Variants in TYRO3 observed in about 807,000 individuals in gnomAD.
The protein encoded by TYRO3 is tyrosine-protein kinase receptor TYRO3.
Under a neutral mutation model 95.2 loss-of-function variants are expected in TYRO3, and 38 were observed. The ratio of observed to expected loss-of-function variants is 0.40; its 90% CI spans 0.31 to 0.52. TYRO3 has a LOEUF of 0.52. TYRO3 is among the 20% of genes least tolerant of loss of function. TYRO3 has a pLI of 0.56. For synonymous variants in TYRO3, 367 were observed against 432.9 expected (o/e 0.85, Z 1.89); for missense variants, 812 against 1,116.4 (o/e 0.73, Z 3.89).
chr15:41,573,833 G>A lies in TYRO3; in HGVS notation c.2282+18G>A. 1.0e-6 allele frequency: 1 copy of A among 983,492 alleles called. No homozygotes were observed. Among genetic ancestry groups the A allele is most frequent in the Middle Eastern group, 2.9e-4 (1 of 3,480 alleles). 60.9% of individuals were successfully genotyped at this position (983,492 alleles called of 1,614,324 possible). ...GAGGACGTGTGAGTATCCTGGGAAG[G>A]GGGCTCTGGAAGGAAAGGGGAATCT... On this transcript the variant is annotated intron_variant, in intron 18 of 18. Transcript: ENST00000263798.
At chr15:41,572,820 C>T (rs187340540) in intron 15 of TYRO3, among the ~76,000 whole-genome samples, 182 bp from the exon 16 acceptor site, 36 of 152,308 alleles carry the variant, frequency 2.4e-4, no homozygotes, top group African/African-American at 7.7e-4. Context: ...GGGGGAGTCT[C>T]GTCTTCCAGG....
In TYRO3 at chr15:41,578,830, C is replaced by T. The variant is rs1170946927; in HGVS notation, c.*554C>T. The T allele has an allele frequency of 1.3e-5, 2 of 158,002 alleles. No homozygotes were observed. The highest frequency in any genetic ancestry group is 2.8e-5 in the Non-Finnish European group (2 of 72,158). 9.8% of individuals were successfully genotyped at this position (158,002 alleles called of 1,614,324 possible). ...CTGAATCTTCACCATCTTTCTGATT[C>T]CGCACCCTGCCTACGCCAGGAGAAG... On this transcript the variant is annotated 3_prime_UTR_variant, in exon 19 of 19. Transcript: ENST00000263798.
intron 3 of TYRO3, chr15:41,562,245 G>A (rs928914420): frequency 5.6e-5 from 14 of 249,086 alleles, no homozygotes; most frequent in African/African-American, 2.3e-5. Flanking sequence ...CAGCTACTCC[G>A]GAGGCTAAGG....
rs904122581 is a variant in TYRO3 at position 41,582,465 on chromosome 15, G to A, written c.*4189G>A. 1.3e-5 allele frequency: 2 copies of A among 152,072 alleles called. No individual in the cohort carries two copies. The highest frequency in any genetic ancestry group is 1.5e-5 in the Non-Finnish European group (1 of 68,084). The allele number at this position is 152,072 out of a possible 1,614,324, so 9.4% of individuals were successfully genotyped here. On this transcript the variant is annotated 3_prime_UTR_variant, in exon 19 of 19. Transcript: ENST00000263798. ...GAATCACTTGAACCTGGGAGGGGGA[G>A]GTTGCAGTGAGCCACTACATTCCAG...
chr15:41,571,216 A>G (rs1595503896), intron 13 of TYRO3, 98 bp downstream of exon 13: 2 of 1,205,218 alleles, frequency 1.7e-6, no homozygotes, highest in Admixed American at 1.8e-5. Flanking sequence ...AGATTTTCCA[A>G]GAAGAGCTGG....
intron 4 of TYRO3, 53 bp from the exon 5 acceptor site, chr15:41,564,131 C>G: frequency 1.3e-6 from 2 of 1,521,108 alleles, no homozygotes. Flanking sequence ...TTCCCAGTCC[C>G]GCACTGAGTG....
In TYRO3 at chr15:41,573,875, G is replaced by C. The variant is rs556535526; in HGVS notation, c.2282+60G>C. The stretch of plus-strand genomic sequence containing the variant: ...GGGGAATCTGGAGTTTTGGCTGATG[G>C]CTGCCACCACAGTTGCCTCAACTGG... On this transcript the variant is annotated intron_variant, in intron 18 of 18. Coordinates refer to ENST00000263798, the MANE Select transcript of TYRO3 (RefSeq NM_006293.4). 52 of 1,588,762 alleles carry C rather than the reference G, an allele frequency of 3.3e-5. No homozygotes were observed. In the South Asian group the frequency reaches 5.6e-4, roughly 17 times the overall value.
chr15:41,574,160 T>A (rs2055835050), intron 18 of TYRO3, among the ~76,000 whole-genome samples: 2 of 152,226 alleles, frequency 1.3e-5, no homozygotes, highest in South Asian at 2.1e-4. Flanking sequence ...TTTCTTTTTT[T>A]AATTTGTATT....
Position 41,582,168 on chromosome 15 carries a change from A to T in TYRO3, c.*3892A>T, listed in dbSNP as rs982612186. ...TTGCGTTTGGCTTCTTTCCCTCAGC[A>T]ACATGTTTATAAGGATCATCTAACA... On this transcript the variant is annotated 3_prime_UTR_variant, in exon 19 of 19. Transcript: ENST00000263798. 6.6e-6 allele frequency: 1 copy of T among 152,076 alleles called. No individual in the cohort carries two copies. Among genetic ancestry groups the T allele is most frequent in the Non-Finnish European group, 1.5e-5 (1 of 68,038 alleles). The allele number at this position is 152,076 out of a possible 1,614,324, so 9.4% of individuals were successfully genotyped here.
In TYRO3 at chr15:41,573,790, C is replaced by G. The variant is rs1188322338; in HGVS notation, c.2257C>G (p.Gln753Glu). ...CCTCATTGGCGGGAACCGCCTGAAA[C>G]AGCCTCCGGAGTGTATGGAGGACGT... ...NYLIGGNRLK[Q>E]PPECMEDVYD... is the part of the protein sequence containing the mutation. The change falls in exon 18 of 19, where the codon CAG becomes GAG. Residue 753 changes from glutamine to glutamate, a missense_variant. Gln to Glu is a conservative substitution (Grantham distance 29, BLOSUM62 2). Coordinates refer to ENST00000263798, the MANE Select transcript of TYRO3 (RefSeq NM_006293.4). 1 of 1,614,122 alleles carries G rather than the reference C, an allele frequency of 6.2e-7. No homozygotes were observed. Among genetic ancestry groups the G allele is most frequent in the Admixed American group, 1.7e-5 (1 of 60,012 alleles).
chr15:41,574,223 C>G (rs2681), intron 18 of TYRO3, among the ~76,000 whole-genome samples: 1 of 151,724 alleles, frequency 6.6e-6, no homozygotes, highest in South Asian at 2.1e-4. Flanking sequence ...TCCTGGAGAC[C>G]CCAGCTAGTC....
intron 1 of TYRO3, among the ~76,000 whole-genome samples, chr15:41,560,330 G>A (rs1440354611): frequency 1.3e-5 from 2 of 151,912 alleles, no homozygotes; most frequent in African/African-American, 4.8e-5. Flanking sequence ...TCAGTTATGT[G>A]GATACTTGAC....
At position 41,577,780 on chromosome 15, in the gene TYRO3, C is replaced by T. The variant is rs940625681; in HGVS notation, c.2283-106C>T. 12 of 1,211,508 alleles carry T rather than the reference C, an allele frequency of 9.9e-6. No homozygotes were observed. In the African/African-American group the frequency reaches 1.5e-4, roughly 15 times the overall value. 75.0% of individuals were successfully genotyped at this position (1,211,508 alleles called of 1,614,324 possible). A position where few individuals can be genotyped will look rare whatever the true frequency, so the allele number is the denominator to read the frequency against. ...AGATTACAGATGCGAGCCGCTGTGC[C>T]CCACCAGGGAATAAAATTTTTTAAA... On this transcript the variant is annotated intron_variant, in intron 18 of 18. Coordinates refer to ENST00000263798, the MANE Select transcript of TYRO3 (RefSeq NM_006293.4).
chr15:41,578,451 T>A lies in TYRO3; in HGVS notation c.*175T>A. 1.2e-6 allele frequency: 1 copy of A among 845,326 alleles called. No homozygotes were observed. The highest frequency in any genetic ancestry group is 1.8e-6 in the Non-Finnish European group (1 of 561,906). The allele number at this position is 845,326 out of a possible 1,614,324, so 52.4% of individuals were successfully genotyped here. ...CAAATCACCCAATCCCAGTTCTTCCTGCAACCACTCTGTGGCCAGCCTGGC... is the reference window on the plus strand; with the variant it reads ...CAAATCACCCAATCCCAGTTCTTCCAGCAACCACTCTGTGGCCAGCCTGGC... On this transcript the variant is annotated 3_prime_UTR_variant, in exon 19 of 19. Transcript: ENST00000263798.
chr15:41,578,504 G>T lies in TYRO3; in HGVS notation c.*228G>T, dbSNP rs2055888989. On this transcript the variant is annotated 3_prime_UTR_variant, in exon 19 of 19. Transcript: ENST00000263798. ...CAGTTTAGGCCTTGGCTTGATGGAA[G>T]TGGGCCAGTCCTGGTTGTCTGAACC... The T allele has an allele frequency of 1.1e-5, 7 of 617,466 alleles. No individual in the cohort carries two copies. The highest frequency in any genetic ancestry group is 8.1e-5 in the South Asian group (4 of 49,374). The allele number at this position is 617,466 out of a possible 1,614,324, so 38.2% of individuals were successfully genotyped here.
intron 16 of TYRO3, 64 bp from the exon 17 acceptor site, chr15:41,573,244 C>T: frequency 1.9e-6 from 3 of 1,566,280 alleles, no homozygotes; most frequent in East Asian, 2.2e-5. Flanking sequence ...GCAAAGATGT[C>T]CTGGCTCTTG....
chr15:41,567,299 A>C, intron 6 of TYRO3, 61 bp from the exon 7 acceptor site: 1 of 1,385,370 alleles, frequency 7.2e-7, no homozygotes, highest in Non-Finnish European at 9.4e-7. Context: ...AACTATACCC[A>C]TCCCATCTTC....
At chr15:41,561,054 A>G in intron 1 of TYRO3, 73 bp from the exon 2 acceptor site, 1 of 1,424,306 alleles carries the variant, frequency 7.0e-7, no homozygotes. Flanking sequence ...GCTACCTTCT[A>G]GAAGAGAATG....
chr15:41,564,022 T>C (rs2055689703), intron 4 of TYRO3, among the ~76,000 whole-genome samples, 162 bp from the exon 5 acceptor site: 1 of 152,144 alleles, frequency 6.6e-6, no homozygotes, highest in South Asian at 2.1e-4. Flanking sequence ...CTCACCAGAC[T>C]CTAGTGTCCC....
Sources: gnomAD v4.1 joint callset for allele counts (sites outside exome capture counted in the v4.1 genomes callset) on GRCh38, gnomAD v4.1.1 for gene constraint, MANE v1.5 for transcripts, NCBI Gene and HGNC (gene_info 2026-07-23, HGNC 2026-07-21) for gene names.